The following HECA variants were observed in gnomAD, a reference collection of about 807,000 sequenced individuals.
HECA encodes the protein headcase protein homolog.
In HECA, 13 loss-of-function variants were observed where a neutral mutation model predicts 37.6. The observed-to-expected ratio is 0.35, with a 90% confidence interval of 0.23 to 0.55. The LOEUF (loss-of-function observed/expected upper bound fraction) is 0.55, where lower values mean the gene tolerates loss of function less well. Among genes scored for constraint, HECA ranks in the 20% least tolerant of loss-of-function variants. HECA has a pLI of 0.90. For missense variants in HECA, 527 were observed against 701.9 expected (o/e 0.75, Z 2.82); for synonymous variants, 307 against 291.5 (o/e 1.05, Z -0.54).
At chr6:139,138,449 C>T (rs1194305446) in intron 1 of HECA, among the ~76,000 whole-genome samples, 1 of 152,184 alleles carries the variant, frequency 6.6e-6, no homozygotes, top group Non-Finnish European at 1.5e-5. Flanking sequence ...TTCAAGTCAG[C>T]TATCTACATC....
Position 139,175,258 on chromosome 6 carries a change from G to C in HECA, c.1467+719G>C, listed in dbSNP as rs144733217. Among the ~76,000 whole-genome samples, 393 of 152,286 alleles carry C rather than the reference G, an allele frequency of 2.6e-3. 3 individuals are homozygous for C. The highest frequency in any genetic ancestry group is 9.0e-3 in the African/African-American group (376 of 41,554). On this transcript the variant is annotated intron_variant, in intron 3 of 3. Coordinates refer to ENST00000367658, the MANE Select transcript of HECA (RefSeq NM_016217.3). Reference sequence around the variant, plus strand: ...AAGTGCTTGGGGAAGAAAACAGCTTGTTAGGTAATTCCTTGATACTCTCAT... The same window carrying C: ...AAGTGCTTGGGGAAGAAAACAGCTTCTTAGGTAATTCCTTGATACTCTCAT...
At chr6:139,168,173 C>G (rs796761689) in intron 2 of HECA, among the ~76,000 whole-genome samples, 9 of 152,186 alleles carry the variant, frequency 5.9e-5, no homozygotes, top group Non-Finnish European at 8.8e-5. Flanking sequence ...ATACTGCTGT[C>G]TTCATTCTCC....
intron 1 of HECA, among the ~76,000 whole-genome samples, chr6:139,157,103 G>C (rs1360710805): frequency 2.6e-5 from 4 of 152,162 alleles, no homozygotes; most frequent in Admixed American, 2.6e-4. Context: ...CACTAAACAA[G>C]TGGTGGATTA....
intron 2 of HECA, 49 bp from the exon 3 acceptor site, chr6:139,174,336 A>T (rs1437313675): frequency 1.3e-6 from 2 of 1,563,076 alleles, no homozygotes; most frequent in South Asian, 1.2e-5. Flanking sequence ...TGGAGATGAA[A>T]TGTGATTTCC....
intron 1 of HECA, among the ~76,000 whole-genome samples, chr6:139,139,494 G>T (rs924226003): frequency 7.9e-5 from 12 of 152,252 alleles, no homozygotes; most frequent in Admixed American, 1.3e-4. Context: ...CCTGAGCAGA[G>T]ATACACGTGC....
chr6:139,174,303 T>C, intron 2 of HECA, 82 bp from the exon 3 acceptor site: 1 of 1,448,564 alleles, frequency 6.9e-7, no homozygotes, highest in East Asian at 2.3e-5. Context: ...TTATAATTGG[T>C]AGATGAAACA....
At position 139,166,825 on chromosome 6, in the gene HECA, G is replaced by GTCCCCACCCACGGGCTAC; in HGVS notation, c.817_834dup (p.Pro273_Ser278dup). 4.3e-6 allele frequency: 7 copies of GTCCCCACCCACGGGCTAC among 1,613,740 alleles called. No individual in the cohort carries two copies. The highest frequency in any genetic ancestry group is 5.9e-6 in the Non-Finnish European group (7 of 1,179,958). On this transcript the variant is annotated inframe_insertion, in exon 2 of 4. Transcript: ENST00000367658. ...GTTCCCCCGGTGGCTCCCCGGGCCA[G>GTCCCCACCCACGGGCTAC]TCCCCACCCACGGGCTACTCCATCC... is the stretch of plus-strand genomic sequence containing the variant.
intron 2 of HECA, 147 bp from the exon 3 acceptor site, chr6:139,174,238 G>C (rs754958026): frequency 6.0e-6 from 5 of 828,216 alleles, no homozygotes; most frequent in Non-Finnish European, 9.0e-6. Context: ...AGGACAGCTT[G>C]TGTACTAAAT....
At chr6:139,156,751 C>T (rs914561150) in intron 1 of HECA, among the ~76,000 whole-genome samples, 6 of 152,228 alleles carry the variant, frequency 3.9e-5, no homozygotes, top group African/African-American at 7.2e-5. Context: ...ATTCCGCATA[C>T]TCTATCCTTA....
Position 139,144,000 on chromosome 6 carries a change from C to G in HECA, c.271+8333C>G, listed in dbSNP as rs576881462. On this transcript the variant is annotated intron_variant, in intron 1 of 3. Coordinates refer to ENST00000367658, the MANE Select transcript of HECA (RefSeq NM_016217.3). ...GTATTGGATTTGAAGATGGAGAAGT[C>G]AAATGAGTATGTGGAGTTGTGTAGC... Among the ~76,000 whole-genome samples, 3 of 152,200 alleles carry G rather than the reference C, an allele frequency of 2.0e-5. No homozygotes were observed. The East Asian group carries it at 5.8e-4, about 29-fold the overall frequency.
chr6:139,137,894 G>A (rs911520798), intron 1 of HECA, among the ~76,000 whole-genome samples: 25 of 152,172 alleles, frequency 1.6e-4, no homozygotes, highest in Middle Eastern at 3.4e-3. Context: ...AGTGAAAGGC[G>A]GGGAGAAAAA....
intron 2 of HECA, chr6:139,170,008 G>A (rs1774949638): frequency 6.6e-6 from 1 of 152,180 alleles, no homozygotes; most frequent in African/African-American, 2.4e-5. Context: ...CTATCCCTCA[G>A]TCTACTTTCT....
rs1481502555 is a variant in HECA, at chr6:139,179,996, A to G, written c.*2891A>G. On this transcript the variant is annotated 3_prime_UTR_variant, in exon 4 of 4. Coordinates refer to ENST00000367658, the MANE Select transcript of HECA (RefSeq NM_016217.3). ...TTAGTGAGAGGACAATTTCTGATTG[A>G]TTGTTTTCTCTTCAGGCCATCTCAC... 3 of 152,096 alleles carry G rather than the reference A, an allele frequency of 2.0e-5. No individual in the cohort carries two copies. Among genetic ancestry groups the G allele is most frequent in the Non-Finnish European group, 4.4e-5 (3 of 67,992 alleles). The allele number at this position is 152,096 out of a possible 1,614,324, so 9.4% of individuals were successfully genotyped here.
intron 1 of HECA, among the ~76,000 whole-genome samples, chr6:139,138,002 G>T (rs947763635): frequency 1.3e-5 from 2 of 152,154 alleles, no homozygotes; most frequent in Non-Finnish European, 2.9e-5. Flanking sequence ...TTTCTGAAGT[G>T]ATGTGAAGTC....
chr6:139,157,846 G>A (rs1162748642), intron 1 of HECA, among the ~76,000 whole-genome samples: 1 of 152,138 alleles, frequency 6.6e-6, no homozygotes, highest in African/African-American at 2.4e-5. Flanking sequence ...GTGTGTGCCT[G>A]CATGTAGCAA....
intron 2 of HECA, among the ~76,000 whole-genome samples, chr6:139,169,267 T>C (rs190960030): frequency 9.3e-4 from 141 of 152,038 alleles, no homozygotes; most frequent in African/African-American, 2.6e-3. Context: ...CTTTATTTTA[T>C]ATATAATAAA....
In HECA at chr6:139,166,920, A is replaced by C. The variant is rs1189276889; in HGVS notation, c.908A>C (p.His303Pro). 1.2e-6 allele frequency: 2 copies of C among 1,614,096 alleles called. No homozygotes were observed. The highest frequency in any genetic ancestry group is 1.7e-6 in the Non-Finnish European group (2 of 1,180,012). Reference protein sequence around the residue: ...YLGEFLKNAIHLEPHKKAMAG... With the variant: ...YLGEFLKNAIPLEPHKKAMAG... ...GGGGAGTTCTTAAAGAACGCCATCCATCTGGAGCCTCACAAGAAGGCCATG... is the reference window on the plus strand; with the variant it reads ...GGGGAGTTCTTAAAGAACGCCATCCCTCTGGAGCCTCACAAGAAGGCCATG... The change falls in exon 2 of 4, where the codon CAT (histidine) becomes CCT (proline). Residue 303 changes from histidine to proline, a missense_variant. This residue lies in a region of HECA where 228 missense variants were observed against 259.8 expected (regional missense o/e 0.88). Coordinates refer to ENST00000367658, the MANE Select transcript of HECA (RefSeq NM_016217.3).
intron 2 of HECA, among the ~76,000 whole-genome samples, chr6:139,174,012 T>C (rs548276595): frequency 1.3e-4 from 20 of 152,348 alleles, no homozygotes; most frequent in Admixed American, 3.9e-4. Context: ...TAAGTCTCTA[T>C]ATGCTAAACA....
At chr6:139,142,120 G>A (rs1161028914) in intron 1 of HECA, among the ~76,000 whole-genome samples, 1 of 151,908 alleles carries the variant, frequency 6.6e-6, no homozygotes, top group Non-Finnish European at 1.5e-5. Context: ...TAGAGACAGG[G>A]TTTCACCACG....
Sources: gnomAD v4.1 joint callset for allele counts (sites outside exome capture counted in the v4.1 genomes callset) on GRCh38, gnomAD v4.1.1 for gene constraint, gnomAD v4.1.1 regional missense constraint, MANE v1.5 for transcripts, NCBI Gene and HGNC (gene_info 2026-07-23, HGNC 2026-07-21) for gene names.